Variants in FABP12 observed in about 807,000 individuals in gnomAD.
The protein encoded by FABP12 is fatty acid-binding protein 12.
A neutral mutation model predicts 13.7 loss-of-function variants in FABP12; 19 were observed. The observed-to-expected ratio is 1.39, with a 90% CI of 0.97 to 2.04. FABP12 has a LOEUF of 2.04. Among genes scored for constraint, FABP12 ranks in the 30% most tolerant of loss-of-function variants. The pLI is 0.00. For synonymous variants in FABP12, 61 were observed against 57.0 expected, an observed-to-expected ratio of 1.07 and a Z score of -0.32; for missense variants, 182 against 164.2, an observed-to-expected ratio of 1.11 and a Z score of -0.59.
Position 81,569,185 on chromosome 8 carries a change from A to G in FABP12, c.-185+20868T>C, listed in dbSNP as rs142969575. 3.3e-4 allele frequency among the ~76,000 whole-genome samples: 50 copies of G among 152,366 alleles called. No homozygotes were observed. The East Asian group carries it at 8.7e-3, about 26-fold the overall frequency. On this transcript the variant is annotated intron_variant, in intron 1 of 5. Coordinates refer to the FABP12 transcript ENST00000692030. The stretch of plus-strand genomic sequence containing the variant: ...CCCTTAACCCTGATGTAATAATTAT[A>G]CATTGTACACCTGAATCAAAATCTC...
chr8:81,538,555 A>G (rs1178160961), upstream of FABP12, among the ~76,000 whole-genome samples: 1 of 152,214 alleles, frequency 6.6e-6, no homozygotes, highest in East Asian at 1.9e-4. Flanking sequence ...AGGTCACATG[A>G]AGATAGCAAT....
chr8:81,531,281 A>G, exon 2 of FABP12: 1 of 1,606,166 alleles, frequency 6.2e-7, no homozygotes, highest in Middle Eastern at 1.7e-4. Context: ...TTCACAAGAA[A>G]TGGACTTCCA....
chr8:81,587,084 T>C (rs35431486), intron 1 of FABP12, among the ~76,000 whole-genome samples: 2,916 of 152,278 alleles, frequency 0.019, 65 homozygotes, highest in African/African-American at 0.056. Context: ...GTTGGCTTTA[T>C]TGAAGATCAG....
rs1563543379 is a variant in FABP12 at position 81,531,356 on chromosome 8, T to G, written c.-41A>C. The G allele has an allele frequency of 7.0e-7, 1 of 1,427,338 alleles. No individual in the cohort carries two copies. Among genetic ancestry groups the G allele is most frequent in the Non-Finnish European group, 9.7e-7 (1 of 1,035,050 alleles). The allele number at this position is 1,427,338 out of a possible 1,614,324, so 88.4% of individuals were successfully genotyped here. On this transcript the variant is annotated 5_prime_UTR_variant, in exon 2 of 5. An upstream start codon of the reference 5' UTR is lost. Coordinates refer to ENST00000360464, the Ensembl canonical transcript of FABP12. ...TTGATCTCAAAGAACAGTAGTTTCA[T>G]GTGTATGCTGGTTTTCCCTGAAGTA...
chr8:81,549,535 G>A (rs1428793341), intron 1 of FABP12, among the ~76,000 whole-genome samples: 3 of 152,130 alleles, frequency 2.0e-5, no homozygotes, highest in Admixed American at 6.6e-5. Context: ...AGAAAGAGAA[G>A]CAGCTACGTA....
chr8:81,546,632 G>A (rs1809438550), intron 1 of FABP12, among the ~76,000 whole-genome samples: 1 of 152,062 alleles, frequency 6.6e-6, no homozygotes, highest in Non-Finnish European at 1.5e-5. Flanking sequence ...CTCCAGCCTG[G>A]GTGACAGAGC....
chr8:81,553,229 C>A (rs778352973), intron 1 of FABP12, among the ~76,000 whole-genome samples: 2 of 152,154 alleles, frequency 1.3e-5, no homozygotes, highest in Non-Finnish European at 2.9e-5. Context: ...AGACCTATCT[C>A]TTCCAGGAGC....
intron 1 of FABP12, among the ~76,000 whole-genome samples, chr8:81,546,561 G>A (rs1809437397): frequency 1.3e-5 from 2 of 152,090 alleles, no homozygotes; most frequent in African/African-American, 2.4e-5. Context: ...TACTCGGAAG[G>A]CTGAGGCAGG....
upstream of FABP12, among the ~76,000 whole-genome samples, chr8:81,538,822 T>C (rs1809281624): frequency 6.6e-6 from 1 of 152,148 alleles, no homozygotes; most frequent in South Asian, 2.1e-4. Flanking sequence ...GGGACCTTTA[T>C]GTTTTATTTT....
intron 1 of FABP12, among the ~76,000 whole-genome samples, chr8:81,561,009 C>G (rs1210222257): frequency 1.3e-5 from 2 of 152,224 alleles, no homozygotes; most frequent in Non-Finnish European, 2.9e-5. Flanking sequence ...CTGCACACAA[C>G]TTCTCATCCC....
At chr8:81,553,368 A>G (rs1007818515) in intron 1 of FABP12, among the ~76,000 whole-genome samples, 5 of 152,280 alleles carry the variant, frequency 3.3e-5, no homozygotes, top group African/African-American at 9.6e-5. Context: ...CTTGTTTTCA[A>G]CCTAACGAAG....
chr8:81,544,409 A>C (rs904318872), intron 1 of FABP12, among the ~76,000 whole-genome samples: 3 of 152,126 alleles, frequency 2.0e-5, no homozygotes, highest in African/African-American at 7.2e-5. Context: ...GATCACACCA[A>C]TCTCTGCCTC....
chr8:81,577,739 G>A (rs961961649), intron 1 of FABP12, among the ~76,000 whole-genome samples: 1 of 152,264 alleles, frequency 6.6e-6, no homozygotes, highest in African/African-American at 2.4e-5. Flanking sequence ...TAGCCTGGGC[G>A]ACAAAGTGAG....
At chr8:81,588,661 T>C (rs1046977116) in intron 1 of FABP12, among the ~76,000 whole-genome samples, 3 of 152,230 alleles carry the variant, frequency 2.0e-5, no homozygotes, top group Admixed American at 6.5e-5. Context: ...GCCTAATTTC[T>C]CTGGCCAGGA....
intron 1 of FABP12, among the ~76,000 whole-genome samples, chr8:81,541,242 T>A (rs932580159): frequency 6.6e-6 from 1 of 151,898 alleles, no homozygotes; most frequent in African/African-American, 2.4e-5. Flanking sequence ...AGTATCTGCA[T>A]CACCTGGAAG....
At position 81,541,910 on chromosome 8, in the gene FABP12, T is replaced by TAA. The variant is rs1167487132; in HGVS notation, c.-184-2169_-184-2168dup. 1.7e-3 allele frequency among the ~76,000 whole-genome samples: 123 copies of TAA among 71,128 alleles called. 2 individuals are homozygous for TAA. Among genetic ancestry groups the TAA allele is most frequent in the East Asian group, 5.5e-3 (13 of 2,368 alleles). The allele number at this position is 71,128 out of a possible 152,430, so 46.7% of individuals were successfully genotyped here. ...CTGGACTTCCAGGAGTCCCAGGGTT[T>TAA]AAAAAAAAAAAAAAAAAAAAAAAAA... On this transcript the variant is annotated intron_variant, in intron 1 of 5. Coordinates refer to the FABP12 transcript ENST00000692030.
At chr8:81,565,102 A>G (rs984284297) in intron 1 of FABP12, among the ~76,000 whole-genome samples, 9 of 152,148 alleles carry the variant, frequency 5.9e-5, no homozygotes, top group South Asian at 2.1e-4. Flanking sequence ...AGATCACTGT[A>G]TAATGATAAA....
chr8:81,538,028 G>A (rs1448991015), upstream of FABP12, among the ~76,000 whole-genome samples: 2 of 152,132 alleles, frequency 1.3e-5, no homozygotes, highest in African/African-American at 4.8e-5. Context: ...CTTCTGATGA[G>A]GGCCTCAGGA....
chr8:81,533,436 C>A (rs1269621080), intron 1 of FABP12, among the ~76,000 whole-genome samples: 1 of 152,196 alleles, frequency 6.6e-6, no homozygotes, highest in Admixed American at 6.5e-5. Context: ...CTTCCAGGTC[C>A]CTGACCAGCT....
Sources: gnomAD v4.1 joint callset for allele counts (sites outside exome capture counted in the v4.1 genomes callset) on GRCh38, gnomAD v4.1.1 for gene constraint, MANE v1.5 for transcripts, NCBI Gene and HGNC (gene_info 2026-07-23, HGNC 2026-07-21) for gene names.